NPAS3: variants seen among roughly 807,000 people sequenced by gnomAD.
NPAS3 encodes neuronal PAS domain protein 3, also known as neuronal PAS domain-containing protein 3.
Under a neutral mutation model 73.1 loss-of-function variants are expected in NPAS3, and 14 were observed. That is an observed-to-expected ratio of 0.19 (90% CI 0.13 to 0.30). NPAS3 has a LOEUF of 0.30. Ranked by LOEUF, NPAS3 falls within the 10% of genes least tolerant of loss-of-function variation. NPAS3 has a pLI of 1.00. For missense variants in NPAS3, 1,096 were observed against 1,250.0 expected, an observed-to-expected ratio of 0.88 and a Z score of 1.86; for synonymous variants, 620 against 541.5, an observed-to-expected ratio of 1.14 and a Z score of -2.01.
intron 3 of NPAS3, among the ~76,000 whole-genome samples, chr14:33,342,097 T>C (rs1287760143): frequency 2.0e-5 from 3 of 152,190 alleles, no homozygotes; most frequent in Non-Finnish European, 2.9e-5. Flanking sequence ...GACAGAAATA[T>C]TGGGTCTAAC....
At chr14:33,429,879 G>T (rs2048709911) in intron 4 of NPAS3, among the ~76,000 whole-genome samples, 1 of 152,122 alleles carries the variant, frequency 6.6e-6, no homozygotes, top group Non-Finnish European at 1.5e-5. Context: ...AAATTGCAAA[G>T]CTAAAATTTC....
chr14:33,684,225 G>GC (rs1236187603), intron 6 of NPAS3, among the ~76,000 whole-genome samples: 1 of 71,590 alleles, frequency 1.4e-5, no homozygotes, highest in Non-Finnish European at 2.7e-5. Flanking sequence ...ATTGTGCTGT[G>GC]GGTTTTTTTT....
intron 4 of NPAS3, among the ~76,000 whole-genome samples, chr14:33,527,543 G>A (rs1206547727): frequency 2.0e-5 from 3 of 152,094 alleles, no homozygotes; most frequent in Non-Finnish European, 2.9e-5. Context: ...TTATGTGCAC[G>A]TACACAAATG....
At position 32,970,541 on chromosome 14, in the gene NPAS3, G is replaced by A. The variant is rs1352292233; in HGVS notation, c.50+31175G>A. ...ATTACCCTACTGTATTCATTTCTTG[G>A]GGATGTTGTAATGAAGTGCTGCAAA... On this transcript the variant is annotated intron_variant, in intron 1 of 11. Coordinates refer to ENST00000356141, the Ensembl canonical transcript of NPAS3. 3.3e-5 allele frequency among the ~76,000 whole-genome samples: 5 copies of A among 152,038 alleles called. No homozygotes were observed. In the East Asian group the frequency reaches 9.6e-4, roughly 29 times the overall value.
At chr14:33,680,652 T>C in intron 6 of NPAS3, 1 of 702,716 alleles carries the variant, frequency 1.4e-6, no homozygotes, top group Non-Finnish European at 2.6e-6. Flanking sequence ...AGGACCCCTG[T>C]CAGGAAGAAC....
chr14:33,667,996 T>TATCA (rs978450069), intron 5 of NPAS3, among the ~76,000 whole-genome samples: 4 of 152,146 alleles, frequency 2.6e-5, no homozygotes, highest in African/African-American at 7.2e-5. Flanking sequence ...TTACTGTACC[T>TATCA]ATCAACCCAT....
At chr14:33,068,811 A>G (rs1335464183) in intron 2 of NPAS3, among the ~76,000 whole-genome samples, 1 of 152,174 alleles carries the variant, frequency 6.6e-6, no homozygotes. Flanking sequence ...GGTAGAATGG[A>G]CAACCACTAC....
intron 7 of NPAS3, among the ~76,000 whole-genome samples, chr14:33,760,336 A>G (rs970363919): frequency 1.3e-5 from 2 of 152,164 alleles, no homozygotes; most frequent in Non-Finnish European, 2.9e-5. Context: ...TGTTTATCAG[A>G]GCTCATCTTT....
At chr14:33,228,790 G>C (rs973253863) in intron 3 of NPAS3, among the ~76,000 whole-genome samples, 1 of 152,112 alleles carries the variant, frequency 6.6e-6, no homozygotes, top group Admixed American at 6.5e-5. Flanking sequence ...GGTTTAAGCA[G>C]ACAAAGTACT....
intron 4 of NPAS3, among the ~76,000 whole-genome samples, chr14:33,412,720 T>A (rs1012971514): frequency 6.6e-6 from 1 of 152,176 alleles, no homozygotes; most frequent in Non-Finnish European, 1.5e-5. Flanking sequence ...GCAAGCCACC[T>A]AATCTGTTTG....
At chr14:32,935,333 A>G (rs924935375), upstream of NPAS3, among the ~76,000 whole-genome samples, 2 of 152,162 alleles carry the variant, frequency 1.3e-5, no homozygotes, top group African/African-American at 2.4e-5. Flanking sequence ...ATCCCTTTCC[A>G]GTGGAATTTT....
intron 2 of NPAS3, among the ~76,000 whole-genome samples, chr14:33,136,960 C>T (rs773754805): frequency 8.5e-5 from 13 of 152,226 alleles, no homozygotes; most frequent in Admixed American, 5.9e-4. Context: ...TATTTTTCTT[C>T]GTGGCCATTG....
At chr14:33,573,544 G>A (rs1183924603) in intron 5 of NPAS3, among the ~76,000 whole-genome samples, 1 of 152,158 alleles carries the variant, frequency 6.6e-6, no homozygotes, top group Non-Finnish European at 1.5e-5. Flanking sequence ...TTTTGGTCAG[G>A]GTTTGAAAGG....
At chr14:33,522,957 G>C (rs1029931979) in intron 4 of NPAS3, among the ~76,000 whole-genome samples, 1 of 152,116 alleles carries the variant, frequency 6.6e-6, no homozygotes, top group East Asian at 1.9e-4. Flanking sequence ...TACTAATTAC[G>C]TCTGATGTCT....
chr14:33,698,608 T>C (rs954587433), intron 6 of NPAS3, among the ~76,000 whole-genome samples: 1 of 152,220 alleles, frequency 6.6e-6, no homozygotes, highest in African/African-American at 2.4e-5. Context: ...CCTTGCTCTT[T>C]AGGTCATTCT....
intron 9 of NPAS3, among the ~76,000 whole-genome samples, chr14:33,779,013 G>A (rs1244172596): frequency 6.6e-6 from 1 of 152,232 alleles, no homozygotes; most frequent in Non-Finnish European, 1.5e-5. Flanking sequence ...TGGGGTGAGG[G>A]GAAGCCAGGG....
At chr14:33,261,046 C>A (rs1276471332) in intron 3 of NPAS3, among the ~76,000 whole-genome samples, 2 of 152,138 alleles carry the variant, frequency 1.3e-5, no homozygotes, top group East Asian at 3.9e-4. Context: ...CTGCTTCATA[C>A]CTTTGCATGT....
chr14:33,613,637 A>G (rs1268101321), intron 5 of NPAS3, among the ~76,000 whole-genome samples: 1 of 151,998 alleles, frequency 6.6e-6, no homozygotes, highest in Non-Finnish European at 1.5e-5. Flanking sequence ...AGTGGCTTCC[A>G]CTGCACCAGC....
At chr14:33,578,846 C>CAA (rs2056552713) in intron 5 of NPAS3, among the ~76,000 whole-genome samples, 1 of 152,004 alleles carries the variant, frequency 6.6e-6, no homozygotes, top group Non-Finnish European at 1.5e-5. Context: ...CAAAACAAAA[C>CAA]AAAAACAGGG....
Sources: allele counts gnomAD v4.1 joint callset (sites outside exome capture counted in the v4.1 genomes callset), GRCh38; gene constraint gnomAD v4.1.1; transcripts MANE v1.5; gene names NCBI Gene and HGNC (gene_info 2026-07-23, HGNC 2026-07-21).